The following CDK14 variants were observed in gnomAD, a reference collection of about 807,000 sequenced individuals.
The protein encoded by CDK14 is cyclin-dependent kinase 14.
A neutral mutation model predicts 60.7 loss-of-function variants in CDK14; 34 were observed. The observed-to-expected ratio is 0.56, with a 90% CI of 0.43 to 0.75. The LOEUF is 0.75. Among genes scored for constraint, CDK14 ranks in the 30% least tolerant of loss-of-function variants. The pLI, the probability that CDK14 is intolerant of heterozygous loss-of-function variation, is 0.00. For synonymous variants in CDK14, 197 were observed against 203.7 expected, an observed-to-expected ratio of 0.97 and a Z score of 0.28; for missense variants, 482 against 564.1, an observed-to-expected ratio of 0.85 and a Z score of 1.47.
At chr7:90,948,778 C>T (rs1348860274) in intron 8 of CDK14, among the ~76,000 whole-genome samples, 13 of 152,192 alleles carry the variant, frequency 8.5e-5, no homozygotes, top group Non-Finnish European at 7.3e-5. Context: ...CATAGTGAAA[C>T]CAACACTAGA....
chr7:91,166,353 G>C (rs1187419394), intron 14 of CDK14, among the ~76,000 whole-genome samples: 1 of 152,136 alleles, frequency 6.6e-6, no homozygotes. Flanking sequence ...ATACACCATT[G>C]AGGAGCTACT....
chr7:90,781,975 G>C (rs1263336001), intron 4 of CDK14, among the ~76,000 whole-genome samples: 3 of 152,092 alleles, frequency 2.0e-5, no homozygotes, highest in Non-Finnish European at 4.4e-5. Context: ...TAGCTTGATG[G>C]GAATGGTATT....
At chr7:91,149,832 C>G (rs1041952741) in intron 14 of CDK14, among the ~76,000 whole-genome samples, 16 of 152,196 alleles carry the variant, frequency 1.1e-4, no homozygotes, top group African/African-American at 3.9e-4. Context: ...TGTTTTCCCC[C>G]TCTCTTTACT....
At chr7:91,034,279 G>A (rs1006194237) in intron 10 of CDK14, among the ~76,000 whole-genome samples, 2 of 152,188 alleles carry the variant, frequency 1.3e-5, no homozygotes, top group Non-Finnish European at 2.9e-5. Flanking sequence ...AGGAGGTTTA[G>A]AAAATTCTGC....
chr7:90,842,790 A>G (rs1790340380), intron 5 of CDK14, among the ~76,000 whole-genome samples: 1 of 152,202 alleles, frequency 6.6e-6, no homozygotes. Flanking sequence ...CACCATTGCA[A>G]AAGTTGGTAC....
intron 4 of CDK14, among the ~76,000 whole-genome samples, chr7:90,772,908 A>G (rs1016060672): frequency 1.3e-5 from 2 of 152,208 alleles, no homozygotes; most frequent in African/African-American, 4.8e-5. Flanking sequence ...TATGAAAAAA[A>G]CCTAGGAAAT....
At chr7:91,169,424 A>G (rs1376036733) in intron 14 of CDK14, among the ~76,000 whole-genome samples, 1 of 152,230 alleles carries the variant, frequency 6.6e-6, no homozygotes, top group Non-Finnish European at 1.5e-5. Context: ...AGGTCCTTGA[A>G]TAAACATACA....
At chr7:90,619,946 A>C (rs1799733179) in intron 2 of CDK14, among the ~76,000 whole-genome samples, 2 of 152,196 alleles carry the variant, frequency 1.3e-5, no homozygotes, top group African/African-American at 4.8e-5. Context: ...TAGTGAGCCG[A>C]GATTGTGACC....
chr7:90,735,392 C>T (rs1803051003), intron 3 of CDK14, among the ~76,000 whole-genome samples: 1 of 152,228 alleles, frequency 6.6e-6, no homozygotes, highest in South Asian at 2.1e-4. Context: ...TGTTTAAGTT[C>T]TGCTGAAGCT....
rs1428148522 is a variant in CDK14, at chr7:90,726,561, T to A, written c.124-6T>A. ...GAGTTCTGAATTTAATTTCTTCTTTTCTCAGATATGTGTCACAAAGATGTC... is the reference window on the plus strand; with the variant it reads ...GAGTTCTGAATTTAATTTCTTCTTTACTCAGATATGTGTCACAAAGATGTC... On this transcript the variant is annotated splice_polypyrimidine_tract_variant and splice_region_variant and intron_variant, in intron 2 of 14. Transcript: ENST00000380050. The A allele has an allele frequency of 6.2e-7, 1 of 1,612,302 alleles. No homozygotes were observed. Among genetic ancestry groups the A allele is most frequent in the Non-Finnish European group, 8.5e-7 (1 of 1,179,000 alleles).
At position 90,958,817 on chromosome 7, in the gene CDK14, T is replaced by C. The variant is rs577722432; in HGVS notation, c.947+3000T>C. ...GTTAGGGACTCTGCTAATAAAACAT[T>C]GGTTGGAAACATCTGTGGCTTGGAG... On this transcript the variant is annotated intron_variant, in intron 9 of 14. Transcript: ENST00000380050. Among the ~76,000 whole-genome samples, 3 of 152,246 alleles carry C rather than the reference T, an allele frequency of 2.0e-5. No individual in the cohort carries two copies. The South Asian group carries it at 6.2e-4, about 32-fold the overall frequency.
chr7:90,988,103 C>A (rs193051100), intron 10 of CDK14, among the ~76,000 whole-genome samples: 5 of 152,052 alleles, frequency 3.3e-5, no homozygotes, highest in Admixed American at 6.6e-5. Context: ...AAATAAAGAT[C>A]GGTTAGTAAA....
At chr7:90,792,613 C>G (rs142761552) in intron 5 of CDK14, among the ~76,000 whole-genome samples, 197 of 152,260 alleles carry the variant, frequency 1.3e-3, no homozygotes, top group Non-Finnish European at 2.6e-3. Flanking sequence ...GATTACCTCT[C>G]TAAATGATAC....
chr7:91,166,913 GATA>G (rs1442112638), intron 14 of CDK14, among the ~76,000 whole-genome samples: 9 of 152,186 alleles, frequency 5.9e-5, no homozygotes, highest in African/African-American at 2.2e-4. Context: ...CACTTCATTT[GATA>G]ATATTATCCA....
chr7:91,196,729 A>C (rs751568910), intron 14 of CDK14, among the ~76,000 whole-genome samples: 1 of 152,246 alleles, frequency 6.6e-6, no homozygotes, highest in Non-Finnish European at 1.5e-5. Context: ...ACTTCAACAA[A>C]AAACAGAGAA....
chr7:91,161,759 A>T (rs1801173680), intron 14 of CDK14, among the ~76,000 whole-genome samples: 1 of 152,236 alleles, frequency 6.6e-6, no homozygotes, highest in Non-Finnish European at 1.5e-5. Context: ...CAAAATAAAT[A>T]GTTAAACTGA....
intron 6 of CDK14, among the ~76,000 whole-genome samples, chr7:90,891,372 T>C (rs909619838): frequency 6.6e-6 from 1 of 152,220 alleles, no homozygotes; most frequent in African/African-American, 2.4e-5. Flanking sequence ...TTTAAAACAA[T>C]GTGTTCACTT....
intron 14 of CDK14, among the ~76,000 whole-genome samples, chr7:91,190,227 G>A (rs1190800832): frequency 1.6e-4 from 24 of 152,134 alleles, no homozygotes; most frequent in Admixed American, 1.5e-3. Flanking sequence ...TCTTCACAAG[G>A]TGCTTCCTCA....
intron 12 of CDK14, among the ~76,000 whole-genome samples, chr7:91,100,771 T>TG (rs1424694351): frequency 6.6e-6 from 1 of 152,224 alleles, no homozygotes; most frequent in Non-Finnish European, 1.5e-5. Flanking sequence ...AGCTAAGCTC[T>TG]GAAATCCAAA....
Sources: allele counts gnomAD v4.1 joint callset (sites outside exome capture counted in the v4.1 genomes callset), GRCh38; gene constraint gnomAD v4.1.1; transcripts MANE v1.5; gene names NCBI Gene and HGNC (gene_info 2026-07-23, HGNC 2026-07-21).